The following SDHA variants were observed in gnomAD, a reference collection of about 807,000 sequenced individuals.
SDHA encodes the protein succinate dehydrogenase complex flavoprotein subunit A, also known as succinate dehydrogenase [ubiquinone] flavoprotein subunit, mitochondrial.
In SDHA, 48 loss-of-function variants were observed where a neutral mutation model predicts 78.4. The ratio of observed to expected loss-of-function variants is 0.61; its 90% CI spans 0.49 to 0.78. The LOEUF (loss-of-function observed/expected upper bound fraction) is 0.78, where lower values mean the gene tolerates loss of function less well. Among genes scored for constraint, SDHA ranks in the 30% least tolerant of loss-of-function variants. The pLI is 0.00. For missense variants in SDHA, 680 were observed against 892.7 expected, an observed-to-expected ratio of 0.76 and a Z score of 3.04; for synonymous variants, 326 against 353.9, an observed-to-expected ratio of 0.92 and a Z score of 0.88.
chr5:225,993 C>T lies in SDHA; in HGVS notation c.567C>T (p.Cys189=), dbSNP rs2126550143. 1 of 1,614,192 alleles carries T rather than the reference C, an allele frequency of 6.2e-7. No individual in the cohort carries two copies. Among genetic ancestry groups the T allele is most frequent in the Non-Finnish European group, 8.5e-7 (1 of 1,180,038 alleles). Residue 189 remains cysteine, a synonymous_variant, in exon 5 of 15, where the codon TGC becomes TGT. Coordinates refer to ENST00000264932, the MANE Select transcript of SDHA (RefSeq NM_004168.4). ...KFGKGGQAHR[C]CCVADRTGHS... The stretch of plus-strand genomic sequence containing the variant: ...GAAAGGGCGGGCAGGCCCATCGGTG[C>T]TGCTGTGTGGCTGATCGGACTGGCC...
At position 218,370 on chromosome 5, in the gene SDHA, G is replaced by C. The variant is rs1260744894; in HGVS notation, c.15G>C (p.Arg5=). The part of the protein sequence containing the change: MSGV[R]GLSRLLSARR... Reference sequence around the variant, plus strand: ...CAACAGCAGACATGTCGGGGGTCCGGGGCCTGTCGCGGCTGCTGAGCGCTC... The same window carrying C: ...CAACAGCAGACATGTCGGGGGTCCGCGGCCTGTCGCGGCTGCTGAGCGCTC... The change falls in exon 1 of 15, where the codon CGG becomes CGC. Residue 5 remains arginine, a synonymous_variant. Transcript: ENST00000264932. 1 of 1,458,602 alleles carries C rather than the reference G, an allele frequency of 6.9e-7. No homozygotes were observed. The highest frequency in any genetic ancestry group is 9.0e-7 in the Non-Finnish European group (1 of 1,114,218). The allele number at this position is 1,458,602 out of a possible 1,614,324, so 90.4% of individuals were successfully genotyped here.
At chr5:227,273 G>C (rs1021795418) in intron 5 of SDHA, among the ~76,000 whole-genome samples, 6 of 152,232 alleles carry the variant, frequency 3.9e-5, no homozygotes, top group African/African-American at 1.4e-4. Context: ...GCCTCCGAAA[G>C]TGCTGGGATT....
intron 7 of SDHA, among the ~76,000 whole-genome samples, chr5:232,209 GT>G (rs79363643): frequency 3.3e-5 from 5 of 149,402 alleles, no homozygotes; most frequent in South Asian, 2.1e-4. Flanking sequence ...TTGTTGTAGT[GT>G]TTTTTTTTTA....
chr5:267,528 A>G, the SDHA span, among the ~76,000 whole-genome samples: 1 of 152,224 alleles, frequency 6.6e-6, no homozygotes, highest in Admixed American at 6.5e-5. Flanking sequence ...TTGAGGGCCT[A>G]TATGTGCCAA....
At chr5:227,816 C>T (rs1579390008) in intron 5 of SDHA, 1 of 324,084 alleles carries the variant, frequency 3.1e-6, no homozygotes, top group South Asian at 2.8e-5. Context: ...TTATGTGTTG[C>T]CAGTAGCTCC....
chr5:251,633 C>G (rs201097697), intron 13 of SDHA, 165 bp downstream of exon 13: 2 of 1,504,682 alleles, frequency 1.3e-6, no homozygotes, highest in Non-Finnish European at 1.8e-6. Context: ...TTCTCGCCAT[C>G]TTCTGGATCA....
chr5:230,814 C>G, intron 6 of SDHA, 62 bp from the exon 7 acceptor site: 1 of 1,610,692 alleles, frequency 6.2e-7, no homozygotes, highest in Non-Finnish European at 8.5e-7. Context: ...TCTGTGATCT[C>G]ACCAGATAGG....
chr5:228,378 A>C (rs756974060), intron 6 of SDHA, 45 bp downstream of exon 6: 1 of 1,551,756 alleles, frequency 6.4e-7, no homozygotes, highest in South Asian at 1.1e-5. Flanking sequence ...AAAATGAATA[A>C]ATTTCATTTA....
At chr5:244,059 T>G (rs1295436843) in intron 11 of SDHA, among the ~76,000 whole-genome samples, 1 of 152,150 alleles carries the variant, frequency 6.6e-6, no homozygotes, top group Non-Finnish European at 1.5e-5. Flanking sequence ...CACTCTAAGT[T>G]TGATAAAGAT....
rs1337221592 is a variant in SDHA at position 256,578 on chromosome 5, G to A, written c.*158G>A. 3 of 699,740 alleles carry A rather than the reference G, an allele frequency of 4.3e-6. No individual in the cohort carries two copies. The African/African-American group carries it at 5.3e-5, about 12-fold the overall frequency. 43.3% of individuals were successfully genotyped at this position (699,740 alleles called of 1,614,324 possible). ...GCACCTAGTGGCTGGGAGCTTGCCA[G>A]GAACCCAGTGGCCAGGGAGCGTGGC... On this transcript the variant is annotated 3_prime_UTR_variant, in exon 15 of 15. Transcript: ENST00000264932.
chr5:250,628 C>T (rs1386383801), intron 11 of SDHA: 6 of 353,316 alleles, frequency 1.7e-5, no homozygotes, highest in South Asian at 4.5e-5. Flanking sequence ...CCAGACCCCG[C>T]GTCAGGAGTC....
chr5:244,382 A>G (rs1311183820), intron 11 of SDHA, among the ~76,000 whole-genome samples: 2 of 152,038 alleles, frequency 1.3e-5, no homozygotes, highest in Non-Finnish European at 1.5e-5. Context: ...ACAATGAGGA[A>G]ATTCAAATTG....
At chr5:221,910 G>A (rs1426876320) in intron 1 of SDHA, among the ~76,000 whole-genome samples, 1 of 152,016 alleles carries the variant, frequency 6.6e-6, no homozygotes, top group Admixed American at 6.6e-5. Flanking sequence ...GGTGGGGGGT[G>A]GGCAGTGGGT....
At chr5:231,890 C>T (rs1021176721) in intron 7 of SDHA, among the ~76,000 whole-genome samples, 3 of 152,146 alleles carry the variant, frequency 2.0e-5, no homozygotes, top group Non-Finnish European at 2.9e-5. Context: ...GAGAGCTTGT[C>T]GTGGGGAAGA....
At chr5:248,281 A>T (rs1208586932) in intron 11 of SDHA, among the ~76,000 whole-genome samples, 2 of 152,226 alleles carry the variant, frequency 1.3e-5, no homozygotes, top group Non-Finnish European at 2.9e-5. Context: ...ACTGATGCTG[A>T]GGAGGACCCC....
At position 218,376 on chromosome 5, in the gene SDHA, G is replaced by A. The variant is rs2126522394; in HGVS notation, c.21G>A (p.Leu7=). The stretch of plus-strand genomic sequence containing the variant: ...CAGACATGTCGGGGGTCCGGGGCCT[G>A]TCGCGGCTGCTGAGCGCTCGGCGCC... MSGVRG[L]SRLLSARRLA... Residue 7 remains leucine (L), a synonymous_variant, in exon 1 of 15, where the codon CTG becomes CTA. Transcript: ENST00000264932. 1 of 1,456,778 alleles carries A rather than the reference G, an allele frequency of 6.9e-7. No homozygotes were observed. Among genetic ancestry groups the A allele is most frequent in the Non-Finnish European group, 9.0e-7 (1 of 1,113,198 alleles). The allele number at this position is 1,456,778 out of a possible 1,614,324, so 90.2% of individuals were successfully genotyped here.
downstream of SDHA, among the ~76,000 whole-genome samples, chr5:259,441 A>C (rs1281593464): frequency 2.1e-5 from 1 of 47,766 alleles, no homozygotes; most frequent in African/African-American, 1.5e-4. Context: ...GCCTCCCGAC[A>C]GAGCATTACC....
chr5:266,179 G>A, the SDHA span, among the ~76,000 whole-genome samples: 157 of 152,362 alleles, frequency 1.0e-3, 1 homozygote, highest in Non-Finnish European at 2.1e-3. Flanking sequence ...TGAAGGAAAA[G>A]TAACAGGTGG....
In SDHA at chr5:235,189, C is replaced by T. The variant is rs1579406318; in HGVS notation, c.1110C>T (p.His370=). 6.2e-7 allele frequency: 1 copy of T among 1,613,896 alleles called. No homozygotes were observed. Among genetic ancestry groups the T allele is most frequent in the Non-Finnish European group, 8.5e-7 (1 of 1,179,876 alleles). ...ATCACGTCTACCTGCAGCTGCACCA[C>T]CTACCTCCAGAGCAGCTGGCCACGC... The part of the protein sequence containing the change: ...EKDHVYLQLH[H]LPPEQLATRL... Residue 370 remains histidine, a synonymous_variant, in exon 9 of 15, where the codon CAC becomes CAT. Transcript: ENST00000264932.
Sources: gnomAD v4.1 joint callset for allele counts (sites outside exome capture counted in the v4.1 genomes callset) on GRCh38, gnomAD v4.1.1 for gene constraint, MANE v1.5 for transcripts, NCBI Gene and HGNC (gene_info 2026-07-23, HGNC 2026-07-21) for gene names.